The following CTC1 variants were observed in gnomAD, a reference collection of about 807,000 sequenced individuals.
CTC1 encodes CST complex subunit CTC1.
Under a neutral mutation model 136.3 loss-of-function variants are expected in CTC1, and 91 were observed. The ratio of observed to expected loss-of-function variants is 0.67; its 90% CI spans 0.56 to 0.79. The LOEUF (loss-of-function observed/expected upper bound fraction) is 0.79, where lower values mean the gene tolerates loss of function less well. Among genes scored for constraint, CTC1 ranks in the 30% least tolerant of loss-of-function variants. The pLI is 0.00. For missense variants in CTC1, 1,432 were observed against 1,498.1 expected (o/e 0.96, Z 0.73); for synonymous variants, 606 against 613.8 (o/e 0.99, Z 0.19).
rs1986606388 is a variant in CTC1 at position 8,226,059 on chromosome 17, C to T, written c.*2121G>A. 1 of 152,072 alleles carries T rather than the reference C, an allele frequency of 6.6e-6. No homozygotes were observed. The highest frequency in any genetic ancestry group is 2.4e-5 in the African/African-American group (1 of 41,392). The allele number at this position is 152,072 out of a possible 1,614,324, so 9.4% of individuals were successfully genotyped here. On this transcript the variant is annotated 3_prime_UTR_variant, in exon 23 of 23. Coordinates refer to ENST00000651323, the MANE Select transcript of CTC1 (RefSeq NM_025099.6). The stretch of plus-strand genomic sequence containing the variant: ...CCTTAGGCCTATGCAACATTTCTGC[C>T]CCTAAGTTAGAGAACCACCTTTTAG...
In CTC1 at chr17:8,230,330, C is replaced by G. The variant is rs759485791; in HGVS notation, c.2897G>C (p.Arg966Pro). The change falls in exon 17 of 23, where the codon CGG becomes CCG. Residue 966 changes from arginine (R) to proline (P), a missense_variant. Physicochemically the swap from Arg to Pro is moderately radical, Grantham distance 103. Transcript: ENST00000651323. ...PPSLGLLPGA[R>P]VHFSQLEKRV... ...TTTCTCCAACTGGCTGAAGTGGACC[C>G]GGGCTCCTGGAAGTAGTCCTAGTGA... 1.2e-6 allele frequency: 2 copies of G among 1,613,726 alleles called. No individual in the cohort carries two copies. Among genetic ancestry groups the G allele is most frequent in the Non-Finnish European group, 1.7e-6 (2 of 1,179,914 alleles).
rs376757390 is a variant in CTC1, at chr17:8,234,563, C to T, written c.1710G>A (p.Lys570=). The stretch of plus-strand genomic sequence containing the variant: ...AGGCCTCCGGGAGGGGCAGAAGGGC[C>T]TTAGGGTCAAAGGAGGCCCAGGCCT... The part of the protein sequence containing the change: ...QRKAWASFDP[K]ALLPLPEASY... Residue 570 remains lysine (K), a synonymous_variant, in exon 10 of 23, where the codon AAG becomes AAA. Transcript: ENST00000651323. 16 of 1,595,682 alleles carry T rather than the reference C, an allele frequency of 1.0e-5. No individual in the cohort carries two copies. In the East Asian group the frequency reaches 3.4e-4, roughly 34 times the overall value.
At chr17:8,229,762 C>A in intron 18 of CTC1, 129 bp downstream of exon 18, 1 of 748,220 alleles carries the variant, frequency 1.3e-6, no homozygotes, top group South Asian at 1.7e-5. Context: ...TAGAGAAGCT[C>A]CTCTGACTCA....
chr17:8,234,946 A>C lies in CTC1; in HGVS notation c.1440-20T>G, dbSNP rs1425865648. 1 of 1,593,126 alleles carries C rather than the reference A, an allele frequency of 6.3e-7. No homozygotes were observed. The highest frequency in any genetic ancestry group is 1.7e-5 in the Admixed American group (1 of 58,358). On this transcript the variant is annotated intron_variant, in intron 8 of 22. Coordinates refer to ENST00000651323, the MANE Select transcript of CTC1 (RefSeq NM_025099.6). ...CACAGCCTTGGCCAGGAAAAGCAGC[A>C]CAGTCACTTCCCCTGAAGAGCCTGC...
intron 2 of CTC1, among the ~76,000 whole-genome samples, chr17:8,240,605 C>T (rs113401988): frequency 0.019 from 2,942 of 152,156 alleles, 101 homozygotes; most frequent in African/African-American, 0.067. Context: ...TTAGGCCAAG[C>T]GCAGTGGCTC....
Position 8,228,612 on chromosome 17 carries a change from G to C in CTC1, c.3405C>G (p.Asp1135Glu), listed in dbSNP as rs755058193. ...GAQLESSARV[D>E]EPMTMFLWTL... Reference sequence around the variant, plus strand: ...TCCAGAGGAACATGGTCATGGGCTCGTCAACCCTGGCTGAAGACTAGAAAG... The same window carrying C: ...TCCAGAGGAACATGGTCATGGGCTCCTCAACCCTGGCTGAAGACTAGAAAG... The change falls in exon 22 of 23, where the codon GAC (aspartate) becomes GAG (glutamate). Residue 1135 changes from aspartate to glutamate, a missense_variant. By Grantham distance (45) the Asp-to-Glu change is conservative. Coordinates refer to ENST00000651323, the MANE Select transcript of CTC1 (RefSeq NM_025099.6). 7.4e-6 allele frequency: 12 copies of C among 1,614,050 alleles called. No individual in the cohort carries two copies. The highest frequency in any genetic ancestry group is 2.7e-5 in the African/African-American group (2 of 74,914).
Position 8,229,924 on chromosome 17 carries a change from T to G in CTC1, c.2978A>C (p.Gln993Pro). ...YCCFRSSTYV[Q>P]VLSFPPETTI... ...GGTCTCAGGGGGAAAACTCAGGACC[T>G]GCACATAAGTGGATGACCGGAAACA... The change falls in exon 18 of 23, where the codon CAG (glutamine) becomes CCG (proline). Residue 993 changes from glutamine (Q) to proline (P), a missense_variant. Transcript: ENST00000651323. 6.2e-7 allele frequency: 1 copy of G among 1,614,090 alleles called. No individual in the cohort carries two copies. Among genetic ancestry groups the G allele is most frequent in the Non-Finnish European group, 8.5e-7 (1 of 1,180,022 alleles).
At chr17:8,237,661 G>A (rs1189529301) in intron 4 of CTC1, 142 bp from the exon 5 acceptor site, 3 of 73,036 alleles carry the variant, frequency 4.1e-5, no homozygotes, top group Admixed American at 1.9e-4. Flanking sequence ...GTGAAACTAC[G>A]TCTCAAAAAA....
chr17:8,231,517 G>A, intron 14 of CTC1, 48 bp from the exon 15 acceptor site: 9 of 1,525,140 alleles, frequency 5.9e-6, no homozygotes, highest in South Asian at 1.2e-5. Context: ...TGCTAGTCCA[G>A]TGGGAGGTTC....
In CTC1 at chr17:8,235,140, G is replaced by A; in HGVS notation, c.1352C>T (p.Ser451Phe). The A allele has an allele frequency of 1.2e-6, 2 of 1,614,188 alleles. No homozygotes were observed. Among genetic ancestry groups the A allele is most frequent in the South Asian group, 2.2e-5 (2 of 91,082 alleles). Residue 451 changes from serine (S) to phenylalanine (F), a missense_variant, in exon 8 of 23, where the codon TCC becomes TTC. By Grantham distance (155) the Ser-to-Phe change is radical. Coordinates refer to ENST00000651323, the MANE Select transcript of CTC1 (RefSeq NM_025099.6). ...AHSSRQAYGA[S>F]LYEQLVWERQ... ...TTCCCACACCAGCTGCTCGTACAGGGAGGCCCCGTAGGCTTGACGGGATGA... is the reference window on the plus strand; with the variant it reads ...TTCCCACACCAGCTGCTCGTACAGGAAGGCCCCGTAGGCTTGACGGGATGA...
At chr17:8,237,579 C>A in intron 4 of CTC1, 60 bp from the exon 5 acceptor site, 1 of 1,398,006 alleles carries the variant, frequency 7.2e-7, no homozygotes. Flanking sequence ...GGAGGAGAAT[C>A]ACTTGAACCT....
Position 8,232,444 on chromosome 17 carries a change from C to T in CTC1, c.1977G>A (p.Leu659=). The T allele has an allele frequency of 6.2e-7, 1 of 1,614,118 alleles. No individual in the cohort carries two copies. Among genetic ancestry groups the T allele is most frequent in the Non-Finnish European group, 8.5e-7 (1 of 1,180,004 alleles). The stretch of plus-strand genomic sequence containing the variant: ...TGCTTCTCACGTCCCTCTCTACGAT[C>T]AACTGAAACCTCTCTGCCCGCACCA... ...GCLVRAERFQ[L]IVERDVRSSF... The change falls in exon 12 of 23, where the codon TTG becomes TTA. Residue 659 remains leucine (L), a synonymous_variant. Coordinates refer to ENST00000651323, the MANE Select transcript of CTC1 (RefSeq NM_025099.6).
rs371078088 is a variant in CTC1, at chr17:8,238,066, G to A, written c.612C>T (p.Leu204=). ...GCAGGCAGGAAGCACTCTCTGGGTAGAGGACAGGGATAGGCGTGACGGGGC... is the reference window on the plus strand; with the variant it reads ...GCAGGCAGGAAGCACTCTCTGGGTAAAGGACAGGGATAGGCGTGACGGGGC... ...SPGPVTPIPV[L]YPESASCLLR... is the part of the protein sequence containing the mutation. The change falls in exon 4 of 23, where the codon CTC becomes CTT. Residue 204 remains leucine, a synonymous_variant. Transcript: ENST00000651323. 1 of 1,614,134 alleles carries A rather than the reference G, an allele frequency of 6.2e-7. No individual in the cohort carries two copies. Among genetic ancestry groups the A allele is most frequent in the Admixed American group, 1.7e-5 (1 of 60,016 alleles).
chr17:8,241,768 G>T (rs906290023), intron 2 of CTC1, among the ~76,000 whole-genome samples: 1 of 147,804 alleles, frequency 6.8e-6, no homozygotes, highest in African/African-American at 2.5e-5. Context: ...CAGGAGAATT[G>T]CTTGAGCCCA....
intron 1 of CTC1, 139 bp downstream of exon 1, chr17:8,247,865 G>C: frequency 1.3e-6 from 1 of 789,402 alleles, no homozygotes; most frequent in South Asian, 1.5e-5. Context: ...AGGTAGGAGC[G>C]GACCGACTCA....
Position 8,225,938 on chromosome 17 carries a change from C to A in CTC1, c.*2242G>T, listed in dbSNP as rs868833357. 4.6e-5 allele frequency: 7 copies of A among 151,966 alleles called. No individual in the cohort carries two copies. Among genetic ancestry groups the A allele is most frequent in the Admixed American group, 6.6e-5 (1 of 15,232 alleles). 9.4% of individuals were successfully genotyped at this position (151,966 alleles called of 1,614,324 possible). A position where few individuals can be genotyped will look rare whatever the true frequency, so the allele number is the denominator to read the frequency against. On this transcript the variant is annotated 3_prime_UTR_variant, in exon 23 of 23. Coordinates refer to ENST00000651323, the MANE Select transcript of CTC1 (RefSeq NM_025099.6). The stretch of plus-strand genomic sequence containing the variant: ...GGACGTCCTAGGGTGGAGAAAGAGG[C>A]CTGGAAGGTGGGCAGCCCCTTCCAT...
At chr17:8,239,168 A>G (rs1450793300) in intron 2 of CTC1, among the ~76,000 whole-genome samples, 1 of 152,134 alleles carries the variant, frequency 6.6e-6, no homozygotes, top group African/African-American at 2.4e-5. Context: ...AGTATCTTCA[A>G]CAAGATGGTG....
chr17:8,242,527 TAG>T (rs199755989), intron 2 of CTC1, among the ~76,000 whole-genome samples: 12 of 60,040 alleles, frequency 2.0e-4, no homozygotes, highest in African/African-American at 7.4e-4. Context: ...AATGATAGTG[TAG>T]AGAGAAAAAA....
At position 8,237,393 on chromosome 17, in the gene CTC1, GT is replaced by G; in HGVS notation, c.773del (p.His258ProfsTer26). The G allele has an allele frequency of 6.2e-7, 1 of 1,614,032 alleles. No homozygotes were observed. The highest frequency in any genetic ancestry group is 8.5e-7 in the Non-Finnish European group (1 of 1,179,988). Reference protein sequence around the residue: ...SLGRSHPAVTHVSIIVQVPAQ... With the variant: ...SLGRSHPAVTXVSIIVQVPAQ... Reference sequence around the variant, plus strand: ...TCCTCACCTGCACGATGATGGACACGTGGGTGACAGCTGGGTGTGATCTACC... The same window carrying G: ...TCCTCACCTGCACGATGATGGACACGGGGTGACAGCTGGGTGTGATCTACC... On this transcript the variant is annotated frameshift_variant, in exon 5 of 23. Transcript: ENST00000651323. LOFTEE classifies it high-confidence loss of function.
Sources: gnomAD v4.1 joint callset for allele counts (sites outside exome capture counted in the v4.1 genomes callset) on GRCh38, gnomAD v4.1.1 for gene constraint, MANE v1.5 for transcripts, NCBI Gene and HGNC (gene_info 2026-07-23, HGNC 2026-07-21) for gene names.